The following SH3TC2 variants were observed in gnomAD, a reference collection of about 807,000 sequenced individuals.
The protein encoded by SH3TC2 is SH3 domain and tetratricopeptide repeats 2.
A neutral mutation model predicts 124.5 loss-of-function variants in SH3TC2; 87 were observed. That is an observed-to-expected ratio of 0.70 (90% confidence interval 0.59 to 0.84). The LOEUF (loss-of-function observed/expected upper bound fraction) is 0.84. Ranked by LOEUF, SH3TC2 falls within the 40% of genes least tolerant of loss-of-function variation. The probability of loss-of-function intolerance (pLI) is 0.00; values close to 1 mark genes in which losing one functional copy is unlikely to be tolerated. For missense variants in SH3TC2, 1,536 were observed against 1,566.4 expected (o/e 0.98, Z 0.33); for synonymous variants, 634 against 628.5 (o/e 1.01, Z -0.13).
At chr5:149,056,447 C>CT (rs1454923833) in intron 1 of SH3TC2, among the ~76,000 whole-genome samples, 1 of 152,168 alleles carries the variant, frequency 6.6e-6, no homozygotes, top group Non-Finnish European at 1.5e-5. Flanking sequence ...TGCTCTCATT[C>CT]TTTTTTATGG....
rs5872107 is a variant in SH3TC2 at position 149,003,849 on chromosome 5, C to CA, written c.*861dup. 7,296 of 171,208 alleles carry CA rather than the reference C, an allele frequency of 0.043. 181 individuals are homozygous for CA. The highest frequency in any genetic ancestry group is 0.11 in the African/African-American group (2,304 of 20,782). The allele number at this position is 171,208 out of a possible 1,614,324, so 10.6% of individuals were successfully genotyped here. ...CTGGGCAACAGAGGAGAAACTGTCTCAAAAAAAAAAAAAAAAAAAAAAGAC... is the reference window on the plus strand; with the variant it reads ...CTGGGCAACAGAGGAGAAACTGTCTCAAAAAAAAAAAAAAAAAAAAAAAGAC... On this transcript the variant is annotated 3_prime_UTR_variant, in exon 17 of 17. Coordinates refer to ENST00000515425, the MANE Select transcript of SH3TC2 (RefSeq NM_024577.4).
chr5:149,008,048 A>G (rs907401877), intron 15 of SH3TC2: 3 of 152,888 alleles, frequency 2.0e-5, no homozygotes, highest in Admixed American at 1.3e-4. Context: ...TGCAATAAGG[A>G]AAAAGGTAGG....
At chr5:149,020,417 A>G (rs1753949677) in intron 12 of SH3TC2, among the ~76,000 whole-genome samples, 1 of 152,226 alleles carries the variant, frequency 6.6e-6, no homozygotes, top group Non-Finnish European at 1.5e-5. Context: ...AGAAATAGAA[A>G]AACAAAAAGA....
At chr5:149,006,145 G>C (rs1030903561) in intron 16 of SH3TC2, 7 of 153,160 alleles carry the variant, frequency 4.6e-5, no homozygotes, top group African/African-American at 1.7e-4. Context: ...TGTGGTCCCA[G>C]CTTCTGAGGA....
chr5:149,002,605 C>G lies in SH3TC2; in HGVS notation c.*2106G>C, dbSNP rs1753615643. 6.6e-6 allele frequency: 1 copy of G among 152,152 alleles called. No homozygotes were observed. Among genetic ancestry groups the G allele is most frequent in the Admixed American group, 6.5e-5 (1 of 15,288 alleles). The allele number at this position is 152,152 out of a possible 1,614,324, so 9.4% of individuals were successfully genotyped here. A position where few individuals can be genotyped will look rare whatever the true frequency, so the allele number is the denominator to read the frequency against. ...ACCACTCCCATCTCACCCTTTCATA[C>G]AACCAATCATCTGGTCAGCCCAAGA... On this transcript the variant is annotated 3_prime_UTR_variant, in exon 17 of 17. Coordinates refer to ENST00000515425, the MANE Select transcript of SH3TC2 (RefSeq NM_024577.4).
rs776962303 is a variant in SH3TC2, at chr5:149,006,954, T to A, written c.3602A>T (p.Gln1201Leu). ...KTLSLCPPWLQSPKEALYYAK... is the reference protein window; with the variant it reads ...KTLSLCPPWLLSPKEALYYAK... ...ATAGTACAGGGCCTCCTTGGGACTC[T>A]GCAGCCATGGTGGACAGAGGGACAG... Residue 1201 changes from glutamine to leucine, a missense_variant, in exon 16 of 17, where the codon CAG becomes CTG. By Grantham distance (113) the Gln-to-Leu change is moderately radical. This residue lies in a region of SH3TC2 where 426 missense variants were observed against 443.5 expected (regional missense o/e 0.96). Coordinates refer to ENST00000515425, the MANE Select transcript of SH3TC2 (RefSeq NM_024577.4). 1.9e-6 allele frequency: 3 copies of A among 1,614,132 alleles called. No homozygotes were observed. The South Asian group carries it at 3.3e-5, about 18-fold the overall frequency.
chr5:149,031,220 GCTTA>G (rs1373534222), intron 9 of SH3TC2, among the ~76,000 whole-genome samples: 1 of 152,080 alleles, frequency 6.6e-6, no homozygotes, highest in African/African-American at 2.4e-5. Context: ...CTCACTGGGG[GCTTA>G]CTTCAGTCCT....
At position 149,028,153 on chromosome 5, in the gene SH3TC2, G is replaced by A. The variant is rs751769404; in HGVS notation, c.1579C>T (p.His527Tyr). Residue 527 changes from histidine (H) to tyrosine (Y), a missense_variant, in exon 11 of 17, where the codon CAT (histidine) becomes TAT (tyrosine). By Grantham distance (83) the His-to-Tyr change is moderately conservative. Transcript: ENST00000515425. ...WAKKSHMTWA[H>Y]ARLCFLLGRL... ...CCCAGGAGGAAGCAGAGACGGGCATGGGCCCAGGTCATGTGGCTCTTCTTG... is the reference window on the plus strand; with the variant it reads ...CCCAGGAGGAAGCAGAGACGGGCATAGGCCCAGGTCATGTGGCTCTTCTTG... The A allele has an allele frequency of 6.2e-6, 10 of 1,614,112 alleles. No individual in the cohort carries two copies. The highest frequency in any genetic ancestry group is 5.5e-5 in the South Asian group (5 of 91,086).
chr5:149,037,721 G>A lies in SH3TC2; in HGVS notation c.1001+574C>T, dbSNP rs139953347. Among the ~76,000 whole-genome samples, 322 of 152,264 alleles carry A rather than the reference G, an allele frequency of 2.1e-3. 2 individuals are homozygous for A. Among genetic ancestry groups the A allele is most frequent in the African/African-American group, 7.5e-3 (313 of 41,542 alleles). The stretch of plus-strand genomic sequence containing the variant: ...TCTGTCCTTCCATGACAGGGTGGGT[G>A]GAGCAGGCTGATCACCTTCTCCTGA... On this transcript the variant is annotated intron_variant, in intron 8 of 16. Coordinates refer to ENST00000515425, the MANE Select transcript of SH3TC2 (RefSeq NM_024577.4).
rs746181147 is a variant in SH3TC2, at chr5:149,027,496, C to T, written c.2236G>A (p.Ala746Thr). Residue 746 changes from alanine to threonine, a missense_variant, in exon 11 of 17, where the codon GCC (alanine) becomes ACC (threonine). Transcript: ENST00000515425. ...CTCCGGTCTGCTAGTTCCTCACAGGCAGCCAGGGCCTGTCTGAGCATTGGG... is the reference window on the plus strand; with the variant it reads ...CTCCGGTCTGCTAGTTCCTCACAGGTAGCCAGGGCCTGTCTGAGCATTGGG... Reference protein sequence around the residue: ...ACPMLRQALAACEELADRSTQ... With the variant: ...ACPMLRQALATCEELADRSTQ... The T allele has an allele frequency of 5.0e-6, 8 of 1,614,222 alleles. No individual in the cohort carries two copies. The South Asian group carries it at 8.8e-5, about 18-fold the overall frequency.
Position 148,994,360 on chromosome 5 carries a change from T to C in SH3TC2, c.*10351A>G, listed in dbSNP as rs1163613407. 1.3e-5 allele frequency among the ~76,000 whole-genome samples: 2 copies of C among 152,218 alleles called. No individual in the cohort carries two copies. The highest frequency in any genetic ancestry group is 2.9e-5 in the Non-Finnish European group (2 of 68,034). On this transcript the variant is annotated 3_prime_UTR_variant, in exon 17 of 17. Coordinates refer to ENST00000515425, the MANE Select transcript of SH3TC2 (RefSeq NM_024577.4). Reference sequence around the variant, plus strand: ...AAATTAAGAGAAGTCAATGATATAATAAGAGTATAACCTTTAGTACAGTGT... The same window carrying C: ...AAATTAAGAGAAGTCAATGATATAACAAGAGTATAACCTTTAGTACAGTGT...
intron 12 of SH3TC2, among the ~76,000 whole-genome samples, chr5:149,024,657 G>C (rs1413287823): frequency 6.6e-6 from 1 of 152,198 alleles, no homozygotes; most frequent in Non-Finnish European, 1.5e-5. Flanking sequence ...GCAGGATCAG[G>C]TTTCCTGGCC....
chr5:149,015,323 T>G (rs541367602), intron 12 of SH3TC2, among the ~76,000 whole-genome samples: 9 of 152,326 alleles, frequency 5.9e-5, no homozygotes, highest in African/African-American at 2.2e-4. Flanking sequence ...CCTTGGTTCC[T>G]TCCTATCACC....
chr5:149,051,029 CAT>C (rs1483366105), intron 2 of SH3TC2, among the ~76,000 whole-genome samples: 1 of 152,116 alleles, frequency 6.6e-6, no homozygotes, highest in African/African-American at 2.4e-5. Flanking sequence ...ATGAGAAAAA[CAT>C]GTGAGGATCA....
At chr5:149,055,576 T>C (rs934561947) in intron 1 of SH3TC2, among the ~76,000 whole-genome samples, 8 of 152,036 alleles carry the variant, frequency 5.3e-5, no homozygotes, top group Non-Finnish European at 8.8e-5. Flanking sequence ...AACTAGAATA[T>C]ACTGCAAGTG....
In SH3TC2 at chr5:149,028,267, A is replaced by T; in HGVS notation, c.1465T>A (p.Phe489Ile). ...YADHFKSLYD[F>I]SFSFLTSSFY... is the part of the protein sequence containing the mutation. The stretch of plus-strand genomic sequence containing the variant: ...GAAGAAGTGAGGAAAGAGAAGGAGA[A>T]GTCATAGAGACTCTTAAAGTGGTCA... Residue 489 changes from phenylalanine (F) to isoleucine (I), a missense_variant, in exon 11 of 17, where the codon TTC (phenylalanine) becomes ATC (isoleucine). By Grantham distance (21) the Phe-to-Ile change is conservative (BLOSUM62 0). Coordinates refer to ENST00000515425, the MANE Select transcript of SH3TC2 (RefSeq NM_024577.4). The T allele has an allele frequency of 6.2e-7, 1 of 1,614,020 alleles. No individual in the cohort carries two copies. Among genetic ancestry groups the T allele is most frequent in the Non-Finnish European group, 8.5e-7 (1 of 1,180,036 alleles).
At position 148,985,871 on chromosome 5, in the gene SH3TC2, G is replaced by A. The variant is rs985959368; in HGVS notation, c.*18840C>T. Among the ~76,000 whole-genome samples the A allele has an allele frequency of 1.3e-5, 2 of 152,060 alleles. No individual in the cohort carries two copies. The highest frequency in any genetic ancestry group is 2.4e-5 in the African/African-American group (1 of 41,406). The stretch of plus-strand genomic sequence containing the variant: ...ATGTGTGGAATGTCATTTTTATATA[G>A]ATTTGGCCCACTATCATATCTCCAT... On this transcript the variant is annotated 3_prime_UTR_variant, in exon 17 of 17. Coordinates refer to ENST00000515425, the MANE Select transcript of SH3TC2 (RefSeq NM_024577.4).
Position 148,989,163 on chromosome 5 carries a change from C to CT in SH3TC2, c.*15547dup. On this transcript the variant is annotated 3_prime_UTR_variant, in exon 17 of 17. Coordinates refer to ENST00000515425, the MANE Select transcript of SH3TC2 (RefSeq NM_024577.4). ...GAGTCATTGAATTCCCTTTTTGAGT[C>CT]TTTTTTCCAAGATTACAGGCTCAAG... Among the ~76,000 whole-genome samples the CT allele has an allele frequency of 6.6e-6, 1 of 152,064 alleles. No individual in the cohort carries two copies. Among genetic ancestry groups the CT allele is most frequent in the African/African-American group, 2.4e-5 (1 of 41,420 alleles).
intron 1 of SH3TC2, among the ~76,000 whole-genome samples, chr5:149,059,329 C>T (rs1043508299): frequency 1.3e-5 from 2 of 152,046 alleles, no homozygotes; most frequent in African/African-American, 2.4e-5. Context: ...TCTAAAGTCT[C>T]GGGCCTCTGA....
Sources: gnomAD v4.1 joint callset for allele counts (sites outside exome capture counted in the v4.1 genomes callset) on GRCh38, gnomAD v4.1.1 for gene constraint, gnomAD v4.1.1 regional missense constraint, MANE v1.5 for transcripts, NCBI Gene and HGNC (gene_info 2026-07-23, HGNC 2026-07-21) for gene names.